IL7R: variants seen among roughly 807,000 people sequenced by gnomAD.
IL7R encodes interleukin-7 receptor subunit alpha.
A neutral mutation model predicts 47.0 loss-of-function variants in IL7R; 38 were observed. The ratio of observed to expected loss-of-function variants is 0.81; its 90% CI spans 0.62 to 1.06. The LOEUF (loss-of-function observed/expected upper bound fraction) is 1.06. IL7R is among the 50% of genes least tolerant of loss of function. The pLI, the probability that IL7R is intolerant of heterozygous loss-of-function variation, is 0.00. For missense variants in IL7R, 633 were observed against 534.8 expected, an observed-to-expected ratio of 1.18 and a Z score of -1.81; for synonymous variants, 221 against 199.8, an observed-to-expected ratio of 1.11 and a Z score of -0.89.
intron 2 of IL7R, among the ~76,000 whole-genome samples, chr5:35,866,164 G>A (rs1269368766): frequency 5.9e-5 from 9 of 152,162 alleles, no homozygotes; most frequent in Non-Finnish European, 1.0e-4. Flanking sequence ...TGAATGCATT[G>A]ATTGATTATA....
Position 35,876,483 on chromosome 5 carries a change from G to C in IL7R, c.1377G>C (p.Gln459His). Residue 459 changes from glutamine (Q) to histidine (H), a missense_variant, in exon 8 of 8, where the codon CAG (glutamine) becomes CAC (histidine). By Grantham distance (24) the Gln-to-His change is conservative. Transcript: ENST00000303115. ...YVTMSSFYQNQ is the reference protein window; with the variant it reads ...YVTMSSFYQNH ...CCATGTCCAGCTTCTACCAAAACCAGTGAAGTGTAAGAAACCCAGACTGAA... is the reference window on the plus strand; with the variant it reads ...CCATGTCCAGCTTCTACCAAAACCACTGAAGTGTAAGAAACCCAGACTGAA... The C allele has an allele frequency of 6.2e-7, 1 of 1,601,768 alleles. No individual in the cohort carries two copies.
At chr5:35,861,078 T>C (rs548216653) in intron 2 of IL7R, 88 bp downstream of exon 2, 3 of 1,351,224 alleles carry the variant, frequency 2.2e-6, no homozygotes, top group Admixed American at 3.4e-5. Flanking sequence ...AGAAAGAATA[T>C]GTGGCCTAAT....
intron 1 of IL7R, 102 bp from the exon 2 acceptor site, chr5:35,860,750 T>C: frequency 3.4e-6 from 4 of 1,171,286 alleles, no homozygotes; most frequent in Non-Finnish European, 5.1e-6. Flanking sequence ...CATTACTATT[T>C]CATGTCTGCC....
rs1391631391 is a variant in IL7R, at chr5:35,860,865, T to C, written c.96T>C (p.Asp32=). Reference sequence around the variant, plus strand: ...GTTCCTCCCCAGGAGACTTGGAAGATGCAGAACTGGATGACTACTCATTCT... The same window carrying C: ...GTTCCTCCCCAGGAGACTTGGAAGACGCAGAACTGGATGACTACTCATTCT... ...SGYAQNGDLE[D]AELDDYSFSC... Residue 32 remains aspartate, a synonymous_variant, in exon 2 of 8, where the codon GAT becomes GAC. Transcript: ENST00000303115. 6.2e-7 allele frequency: 1 copy of C among 1,613,652 alleles called. No individual in the cohort carries two copies. Among genetic ancestry groups the C allele is most frequent in the South Asian group, 1.1e-5 (1 of 91,076 alleles).
chr5:35,860,623 T>C (rs1759777001), intron 1 of IL7R, among the ~76,000 whole-genome samples: 1 of 152,188 alleles, frequency 6.6e-6, no homozygotes, highest in Admixed American at 6.6e-5. Context: ...TTTTTTCTAT[T>C]GGAAAACTCT....
intron 5 of IL7R, among the ~76,000 whole-genome samples, chr5:35,873,935 T>C (rs1307332364): frequency 1.3e-5 from 2 of 152,170 alleles, no homozygotes; most frequent in Non-Finnish European, 2.9e-5. Context: ...CTACGTCCAG[T>C]TAACCAATTT....
intron 1 of IL7R, among the ~76,000 whole-genome samples, chr5:35,857,314 G>A (rs760974888): frequency 2.7e-5 from 4 of 149,400 alleles, no homozygotes; most frequent in African/African-American, 9.9e-5. Flanking sequence ...CTTAAATGTT[G>A]AATGATTACT....
At chr5:35,860,225 TC>T (rs1759767187) in intron 1 of IL7R, among the ~76,000 whole-genome samples, 1 of 152,166 alleles carries the variant, frequency 6.6e-6, no homozygotes, top group African/African-American at 2.4e-5. Context: ...TAATTTTTTT[TC>T]CCTAATCACG....
intron 3 of IL7R, among the ~76,000 whole-genome samples, chr5:35,870,417 C>T (rs1338088298): frequency 2.6e-5 from 4 of 152,136 alleles, no homozygotes; most frequent in African/African-American, 9.7e-5. Flanking sequence ...GGATGCAGAC[C>T]CTTCATGTCA....
At position 35,876,302 on chromosome 5, in the gene IL7R, A is replaced by C. The variant is rs1440731354; in HGVS notation, c.1196A>C (p.His399Pro). Reference protein sequence around the residue: ...DCRESGKNGPHVYQDLLLSLG... With the variant: ...DCRESGKNGPPVYQDLLLSLG... ...AGGGAGAGTGGCAAGAATGGGCCTCATGTGTACCAGGACCTCCTGCTTAGC... is the reference window on the plus strand; with the variant it reads ...AGGGAGAGTGGCAAGAATGGGCCTCCTGTGTACCAGGACCTCCTGCTTAGC... The change falls in exon 8 of 8, where the codon CAT becomes CCT. Residue 399 changes from histidine (H) to proline (P), a missense_variant. His to Pro is a moderately conservative substitution (Grantham distance 77). Transcript: ENST00000303115. The C allele has an allele frequency of 1.9e-6, 3 of 1,613,900 alleles. No individual in the cohort carries two copies. The highest frequency in any genetic ancestry group is 2.5e-6 in the Non-Finnish European group (3 of 1,179,856).
At position 35,878,063 on chromosome 5, in the gene IL7R, T is replaced by G. The variant is rs1760259773; in HGVS notation, c.*1577T>G. ...GGTGTTTCTGATATTTTAGTTTTCT[T>G]GTTTGTTTTGTTTTGTGTTGTCTGT... On this transcript the variant is annotated 3_prime_UTR_variant, in exon 8 of 8. Coordinates refer to ENST00000303115, the MANE Select transcript of IL7R (RefSeq NM_002185.5). 1 of 233,328 alleles carries G rather than the reference T, an allele frequency of 4.3e-6. No individual in the cohort carries two copies. The highest frequency in any genetic ancestry group is 2.2e-5 in the African/African-American group (1 of 45,462). 14.5% of individuals were successfully genotyped at this position (233,328 alleles called of 1,614,324 possible).
intron 6 of IL7R, among the ~76,000 whole-genome samples, chr5:35,875,092 C>T (rs560044221): frequency 6.6e-6 from 1 of 152,260 alleles, no homozygotes; most frequent in East Asian, 1.9e-4. Context: ...AAATATTCCC[C>T]CACTTCCACC....
At position 35,871,026 on chromosome 5, in the gene IL7R, A is replaced by G. The variant is rs1760060350; in HGVS notation, c.380-30A>G. 3.1e-6 allele frequency: 5 copies of G among 1,601,174 alleles called. No individual in the cohort carries two copies. In the South Asian group the frequency reaches 5.5e-5, roughly 18 times the overall value. On this transcript the variant is annotated intron_variant, in intron 3 of 7. Coordinates refer to ENST00000303115, the MANE Select transcript of IL7R (RefSeq NM_002185.5). Reference sequence around the variant, plus strand: ...ATAATTATTTCCTTGGCTGCCCTTTAGACAGAATTTATTTCTTTTTCTTTT... The same window carrying G: ...ATAATTATTTCCTTGGCTGCCCTTTGGACAGAATTTATTTCTTTTTCTTTT...
At chr5:35,871,903 A>T (rs951605929) in intron 4 of IL7R, among the ~76,000 whole-genome samples, 5 of 152,156 alleles carry the variant, frequency 3.3e-5, no homozygotes, top group African/African-American at 1.2e-4. Context: ...TGAAGAAGAG[A>T]TGATGATTTC....
intron 3 of IL7R, among the ~76,000 whole-genome samples, chr5:35,870,518 G>A (rs192525381): frequency 1.3e-5 from 2 of 152,278 alleles, no homozygotes; most frequent in East Asian, 1.9e-4. Context: ...CCTGCTTTGG[G>A]GCTCATTAGT....
At chr5:35,864,157 T>C (rs1399065278) in intron 2 of IL7R, among the ~76,000 whole-genome samples, 1 of 152,188 alleles carries the variant, frequency 6.6e-6, no homozygotes, top group African/African-American at 2.4e-5. Context: ...TCTTCTTTCA[T>C]TTAACCAGTG....
Position 35,867,247 on chromosome 5 carries a change from T to C in IL7R, c.222-59T>C. On this transcript the variant is annotated intron_variant, in intron 2 of 7. Transcript: ENST00000303115. ...TACATCAATGTGCATATGATACTATTCCACTGCATACAGGAACTCCTACCT... is the reference window on the plus strand; with the variant it reads ...TACATCAATGTGCATATGATACTATCCCACTGCATACAGGAACTCCTACCT... 2.1e-6 allele frequency: 3 copies of C among 1,456,862 alleles called. No individual in the cohort carries two copies. The South Asian group carries it at 3.4e-5, about 17-fold the overall frequency. The allele number at this position is 1,456,862 out of a possible 1,614,324, so 90.2% of individuals were successfully genotyped here. A position where few individuals can be genotyped will look rare whatever the true frequency, so the allele number is the denominator to read the frequency against.
At chr5:35,863,712 G>A (rs1759876717) in intron 2 of IL7R, among the ~76,000 whole-genome samples, 1 of 152,024 alleles carries the variant, frequency 6.6e-6, no homozygotes, top group Non-Finnish European at 1.5e-5. Flanking sequence ...ACAGCACATA[G>A]GAAAAACAAA....
At position 35,876,756 on chromosome 5, in the gene IL7R, G is replaced by T. The variant is rs1760228944; in HGVS notation, c.*270G>T. The T allele has an allele frequency of 8.2e-6, 4 of 488,038 alleles. No individual in the cohort carries two copies. The highest frequency in any genetic ancestry group is 5.8e-5 in the African/African-American group (3 of 52,028). The allele number at this position is 488,038 out of a possible 1,614,324, so 30.2% of individuals were successfully genotyped here. A position where few individuals can be genotyped will look rare whatever the true frequency, so the allele number is the denominator to read the frequency against. On this transcript the variant is annotated 3_prime_UTR_variant, in exon 8 of 8. Coordinates refer to ENST00000303115, the MANE Select transcript of IL7R (RefSeq NM_002185.5). The stretch of plus-strand genomic sequence containing the variant: ...ATTCAGCTATTTAAAAAAAAAAGAG[G>T]AAAGAATGAAAGAGTAAAGGAAATG...
Sources: gnomAD v4.1 joint callset for allele counts (sites outside exome capture counted in the v4.1 genomes callset) on GRCh38, gnomAD v4.1.1 for gene constraint, MANE v1.5 for transcripts, NCBI Gene and HGNC (gene_info 2026-07-23, HGNC 2026-07-21) for gene names.